The following SUCLA2 variants were observed in gnomAD, a reference collection of about 807,000 sequenced individuals.
The protein encoded by SUCLA2 is succinate-CoA ligase ADP-forming subunit beta.
Under a neutral mutation model 54.8 loss-of-function variants are expected in SUCLA2, and 30 were observed. That is an observed-to-expected ratio of 0.55 (90% CI 0.41 to 0.74). SUCLA2 has a LOEUF of 0.74. Among genes scored for constraint, SUCLA2 ranks in the 30% least tolerant of loss-of-function variants. The probability of loss-of-function intolerance (pLI) is 0.00; values close to 1 mark genes in which losing one functional copy is unlikely to be tolerated. For missense variants in SUCLA2, 476 were observed against 562.9 expected (o/e 0.85, Z 1.56); for synonymous variants, 172 against 188.9 (o/e 0.91, Z 0.74).
chr13:47,970,106 C>T (rs1949950461), intron 5 of SUCLA2, among the ~76,000 whole-genome samples: 2 of 75,178 alleles, frequency 2.7e-5, no homozygotes, highest in Admixed American at 1.2e-4. Flanking sequence ...TGTCTCCCCC[C>T]CACAAAAAAA....
At chr13:47,989,257 C>T (rs1950131719) in intron 2 of SUCLA2, among the ~76,000 whole-genome samples, 1 of 149,308 alleles carries the variant, frequency 6.7e-6, no homozygotes, top group Non-Finnish European at 1.5e-5. Context: ...GTCGCCCAGG[C>T]TGGAGTGCAG....
chr13:47,943,990 A>G (rs1949709527), intron 10 of SUCLA2, among the ~76,000 whole-genome samples: 1 of 152,044 alleles, frequency 6.6e-6, no homozygotes, highest in Non-Finnish European at 1.5e-5. Flanking sequence ...TTCTCTCTAC[A>G]ATCTGTCTAA....
intron 4 of SUCLA2, among the ~76,000 whole-genome samples, chr13:47,982,019 G>A (rs1219644817): frequency 2.0e-5 from 3 of 152,144 alleles, no homozygotes; most frequent in African/African-American, 4.8e-5. Flanking sequence ...CGGTACAGCT[G>A]CTATGGAAAA....
chr13:47,956,160 T>C (rs1187017687), intron 6 of SUCLA2, among the ~76,000 whole-genome samples: 1 of 152,106 alleles, frequency 6.6e-6, no homozygotes, highest in African/African-American at 2.4e-5. Flanking sequence ...TTTTAAAACA[T>C]GTTTAAGGAT....
At chr13:47,949,134 T>C in intron 9 of SUCLA2, 106 bp from the exon 10 acceptor site, 1 of 1,098,522 alleles carries the variant, frequency 9.1e-7, no homozygotes, top group Non-Finnish European at 1.4e-6. Context: ...CAGAGGAGAC[T>C]TCCATTATTT....
At chr13:47,991,949 G>T (rs141573756) in intron 2 of SUCLA2, among the ~76,000 whole-genome samples, 1 of 151,886 alleles carries the variant, frequency 6.6e-6, no homozygotes, top group Non-Finnish European at 1.5e-5. Flanking sequence ...CGTTCTTATT[G>T]AGAATACTAC....
intron 6 of SUCLA2, 53 bp downstream of exon 6, chr13:47,968,542 G>A: frequency 6.3e-7 from 1 of 1,597,908 alleles, no homozygotes; most frequent in South Asian, 1.1e-5. Context: ...CCTTAGGGAA[G>A]CATATTAGAG....
chr13:47,989,034 ATAG>A, intron 2 of SUCLA2, 53 bp from the exon 3 acceptor site: 1 of 1,534,546 alleles, frequency 6.5e-7, no homozygotes, highest in Non-Finnish European at 9.0e-7. Context: ...CATGCCAGAC[ATAG>A]TATTTTGTTA....
chr13:47,996,549 T>C (rs1040925090), intron 2 of SUCLA2, among the ~76,000 whole-genome samples: 3 of 151,664 alleles, frequency 2.0e-5, no homozygotes, highest in African/African-American at 4.8e-5. Flanking sequence ...GTAGTTAGAG[T>C]GGTAGTAGTA....
At position 47,970,718 on chromosome 13, in the gene SUCLA2, G is replaced by A. The variant is rs555357788; in HGVS notation, c.664-1985C>T. On this transcript the variant is annotated intron_variant, in intron 5 of 10. Transcript: ENST00000646932. ...CTACTAAAAATACAAAAATTAGCTG[G>A]TCATGGTGGCGGGCGCCTGTAATCC... Among the ~76,000 whole-genome samples, 6 of 152,208 alleles carry A rather than the reference G, an allele frequency of 3.9e-5. No homozygotes were observed. In the East Asian group the frequency reaches 1.2e-3, roughly 29 times the overall value.
intron 10 of SUCLA2, among the ~76,000 whole-genome samples, chr13:47,947,319 C>CAAAATACAAAAAAAACA (rs2137685221): frequency 6.6e-6 from 1 of 150,400 alleles, no homozygotes; most frequent in African/African-American, 2.4e-5. Flanking sequence ...AAAAAGTAAA[C>CAAAATACAAAAAAAACA]AAAATACAAA....
chr13:47,964,158 C>A (rs936481713), intron 6 of SUCLA2, among the ~76,000 whole-genome samples: 1 of 151,982 alleles, frequency 6.6e-6, no homozygotes. Context: ...GATGCAACAA[C>A]CTGGATAGAC....
At chr13:47,948,354 C>CATAT (rs1949750418) in intron 10 of SUCLA2, among the ~76,000 whole-genome samples, 1 of 151,946 alleles carries the variant, frequency 6.6e-6, no homozygotes, top group South Asian at 2.1e-4. Context: ...CACATACATA[C>CATAT]ATATGCGTGC....
chr13:47,943,087 C>T lies in SUCLA2; in HGVS notation c.*284G>A. 1.8e-5 allele frequency: 7 copies of T among 390,758 alleles called. No homozygotes were observed. Among genetic ancestry groups the T allele is most frequent in the Non-Finnish European group, 1.9e-5 (4 of 211,648 alleles). 24.2% of individuals were successfully genotyped at this position (390,758 alleles called of 1,614,324 possible). A position where few individuals can be genotyped will look rare whatever the true frequency, so the allele number is the denominator to read the frequency against. On this transcript the variant is annotated 3_prime_UTR_variant, in exon 11 of 11. Coordinates refer to ENST00000646932, the MANE Select transcript of SUCLA2 (RefSeq NM_003850.3). ...TCTTATCAATGAAGAACTTTGTATC[C>T]AACAATAATAAACTGGCAAATTGCA...
At chr13:47,973,540 T>A in intron 4 of SUCLA2, 148 bp from the exon 5 acceptor site, 1 of 802,614 alleles carries the variant, frequency 1.2e-6, no homozygotes. Context: ...TATCCTCACA[T>A]CTCCAGCACA....
intron 6 of SUCLA2, among the ~76,000 whole-genome samples, chr13:47,966,090 A>G (rs773606033): frequency 6.6e-6 from 1 of 152,160 alleles, no homozygotes; most frequent in Non-Finnish European, 1.5e-5. Flanking sequence ...CTAGAAGAAC[A>G]ATGTCTCCAA....
At chr13:47,965,029 C>T (rs2137710115) in intron 6 of SUCLA2, among the ~76,000 whole-genome samples, 1 of 150,162 alleles carries the variant, frequency 6.7e-6, no homozygotes, top group Middle Eastern at 3.5e-3. Context: ...TGAAAGTGGC[C>T]TCTGCTGGCC....
chr13:48,001,173 G>T lies in SUCLA2; in HGVS notation c.90+7C>A. ...CCTCGAGACGACAGCGGACTGGAAG[G>T]CATTACCTGAGCAGCAGCCCGCTGG... On this transcript the variant is annotated splice_region_variant and intron_variant, in intron 1 of 10. Coordinates refer to ENST00000646932, the MANE Select transcript of SUCLA2 (RefSeq NM_003850.3). 6.2e-7 allele frequency: 1 copy of T among 1,607,902 alleles called. No individual in the cohort carries two copies. Among genetic ancestry groups the T allele is most frequent in the Admixed American group, 1.7e-5 (1 of 59,166 alleles).
intron 8 of SUCLA2, among the ~76,000 whole-genome samples, 160 bp from the exon 9 acceptor site, chr13:47,949,763 A>G (rs1949761952): frequency 1.3e-5 from 2 of 152,220 alleles, no homozygotes; most frequent in African/African-American, 4.8e-5. Context: ...ATTGAAGTCT[A>G]TGTAGTCCAC....
Sources: gnomAD v4.1 joint callset for allele counts (sites outside exome capture counted in the v4.1 genomes callset) on GRCh38, gnomAD v4.1.1 for gene constraint, MANE v1.5 for transcripts, NCBI Gene and HGNC (gene_info 2026-07-23, HGNC 2026-07-21) for gene names.